Variants in PAK5 observed in about 807,000 individuals in gnomAD.
The protein encoded by PAK5 is serine/threonine-protein kinase PAK 5.
Under a neutral mutation model 65.9 loss-of-function variants are expected in PAK5, and 16 were observed. The observed-to-expected ratio is 0.24, with a 90% CI of 0.16 to 0.37. PAK5 has a LOEUF of 0.37. Ranked by LOEUF, PAK5 falls within the 10% of genes least tolerant of loss-of-function variation. The pLI is 1.00. For missense variants in PAK5, 785 were observed against 903.9 expected (o/e 0.87, Z 1.69); for synonymous variants, 371 against 354.9 (o/e 1.05, Z -0.51).
chr20:9,594,638 C>T (rs1160235695), intron 3 of PAK5, among the ~76,000 whole-genome samples: 1 of 152,142 alleles, frequency 6.6e-6, no homozygotes, highest in Non-Finnish European at 1.5e-5. Flanking sequence ...CTGTATTGTA[C>T]CCTCCAATGA....
At chr20:9,712,322 C>A (rs1246684993) in intron 1 of PAK5, among the ~76,000 whole-genome samples, 1 of 152,010 alleles carries the variant, frequency 6.6e-6, no homozygotes, top group Non-Finnish European at 1.5e-5. Flanking sequence ...ATATCCTTGC[C>A]ATTTAAATGA....
At chr20:9,641,011 T>G (rs2047051610) in intron 3 of PAK5, among the ~76,000 whole-genome samples, 1 of 152,196 alleles carries the variant, frequency 6.6e-6, no homozygotes, top group Admixed American at 6.5e-5. Flanking sequence ...GCTTTTATTC[T>G]TTTATCTGGC....
At chr20:9,621,517 A>C (rs985888514) in intron 3 of PAK5, among the ~76,000 whole-genome samples, 3 of 151,570 alleles carry the variant, frequency 2.0e-5, no homozygotes, top group African/African-American at 7.3e-5. Context: ...TAATGGGCTG[A>C]TTTGAAAAAA....
intron 9 of PAK5, among the ~76,000 whole-genome samples, chr20:9,541,668 A>G (rs1410132001): frequency 2.0e-5 from 3 of 152,072 alleles, no homozygotes; most frequent in Admixed American, 2.0e-4. Context: ...CCTCCCTAGA[A>G]AGGGCTTCCT....
At chr20:9,616,244 T>C (rs2046653428) in intron 3 of PAK5, among the ~76,000 whole-genome samples, 2 of 152,206 alleles carry the variant, frequency 1.3e-5, no homozygotes, top group South Asian at 2.1e-4. Flanking sequence ...ACAGTACACA[T>C]GTTAGCCCAC....
intron 1 of PAK5, among the ~76,000 whole-genome samples, chr20:9,799,057 C>T (rs1252198491): frequency 6.6e-6 from 1 of 152,088 alleles, no homozygotes; most frequent in Non-Finnish European, 1.5e-5. Context: ...CATGATTATA[C>T]TGATGATCCA....
intron 6 of PAK5, among the ~76,000 whole-genome samples, chr20:9,562,507 T>C (rs1352054856): frequency 1.3e-5 from 2 of 152,206 alleles, no homozygotes; most frequent in Non-Finnish European, 1.5e-5. Flanking sequence ...ATCCTCTCCC[T>C]GTCCCTTCCT....
At chr20:9,610,461 C>T (rs1949353704) in intron 3 of PAK5, among the ~76,000 whole-genome samples, 1 of 152,068 alleles carries the variant, frequency 6.6e-6, no homozygotes, top group Non-Finnish European at 1.5e-5. Flanking sequence ...GACTGTAGAC[C>T]GATTCTGCAT....
intron 3 of PAK5, among the ~76,000 whole-genome samples, chr20:9,640,820 G>A (rs546296698): frequency 9.9e-5 from 15 of 152,042 alleles, no homozygotes; most frequent in Non-Finnish European, 1.5e-4. Flanking sequence ...TGGTGGGCTC[G>A]TGGTCTCGCT....
intron 7 of PAK5, among the ~76,000 whole-genome samples, chr20:9,553,428 A>T (rs967429482): frequency 2.0e-5 from 3 of 152,064 alleles, no homozygotes; most frequent in Non-Finnish European, 4.4e-5. Flanking sequence ...CACCACCAAA[A>T]TCAAGATACC....
At chr20:9,766,440 ATATATG>A (rs74194635) in intron 1 of PAK5, among the ~76,000 whole-genome samples, 513 of 27,724 alleles carry the variant, frequency 0.019, 120 homozygotes, top group East Asian at 0.15. Flanking sequence ...CAAGCAGAAT[ATATATG>A]TATATATATA....
intron 1 of PAK5, among the ~76,000 whole-genome samples, chr20:9,813,610 G>GA (rs1286926277): frequency 4.6e-5 from 7 of 152,024 alleles, no homozygotes; most frequent in Non-Finnish European, 8.8e-5. Flanking sequence ...ACCAAGAGCA[G>GA]AAAAAACTGT....
chr20:9,719,896 C>T (rs1304364454), intron 1 of PAK5, among the ~76,000 whole-genome samples: 1 of 152,150 alleles, frequency 6.6e-6, no homozygotes, highest in Non-Finnish European at 1.5e-5. Context: ...TTTAGAAAAG[C>T]TATTTTAATT....
At chr20:9,559,063 G>A (rs1042212108) in intron 6 of PAK5, among the ~76,000 whole-genome samples, 1 of 152,124 alleles carries the variant, frequency 6.6e-6, no homozygotes, top group African/African-American at 2.4e-5. Flanking sequence ...TTCCTAATGA[G>A]TGAAATAGTT....
intron 3 of PAK5, among the ~76,000 whole-genome samples, chr20:9,617,511 TACTC>T (rs950250591): frequency 2.6e-5 from 4 of 151,476 alleles, no homozygotes; most frequent in Non-Finnish European, 5.9e-5. Flanking sequence ...CTGAGAGACT[TACTC>T]AATTTGCAGG....
At chr20:9,785,214 A>G (rs1378363474) in intron 1 of PAK5, among the ~76,000 whole-genome samples, 1 of 152,198 alleles carries the variant, frequency 6.6e-6, no homozygotes, top group Non-Finnish European at 1.5e-5. Context: ...TATTTATTCC[A>G]TAGTTATCAT....
At position 9,580,316 on chromosome 20, in the gene PAK5, C is replaced by G. The variant is rs2045955092; in HGVS notation, c.819G>C (p.Leu273=). Residue 273 remains leucine (L), a synonymous_variant, in exon 4 of 10, where the codon CTG becomes CTC. Coordinates refer to ENST00000353224, the MANE Select transcript of PAK5 (RefSeq NM_177990.4). ...DYDRRPKSSY[L]NQTSPQPTMR... ...TGGTGGGCTGAGGGCTTGTCTGATT[C>G]AGGTACGAAGACTTTGGCCTCCTGT... 6.2e-7 allele frequency: 1 copy of G among 1,614,002 alleles called. No homozygotes were observed. Among genetic ancestry groups the G allele is most frequent in the Admixed American group, 1.7e-5 (1 of 59,994 alleles).
intron 1 of PAK5, among the ~76,000 whole-genome samples, chr20:9,817,950 T>C (rs2049377295): frequency 6.6e-6 from 1 of 152,234 alleles, no homozygotes; most frequent in African/African-American, 2.4e-5. Context: ...TCATCAGCTA[T>C]CTTTGCCACA....
intron 1 of PAK5, among the ~76,000 whole-genome samples, chr20:9,835,852 A>G (rs1349431097): frequency 6.6e-6 from 1 of 152,192 alleles, no homozygotes; most frequent in African/African-American, 2.4e-5. Context: ...CCAGGTTAAG[A>G]AGGACTAGAA....
Sources: allele counts gnomAD v4.1 joint callset (sites outside exome capture counted in the v4.1 genomes callset), GRCh38; gene constraint gnomAD v4.1.1; transcripts MANE v1.5; gene names NCBI Gene and HGNC (gene_info 2026-07-23, HGNC 2026-07-21).